FAM193B: variants seen among roughly 807,000 people sequenced by gnomAD.
The protein encoded by FAM193B is family with sequence similarity 193 member B, also known as protein FAM193B.
FAM193B carries 27 observed loss-of-function variants against 70.7 expected under a neutral mutation model. The ratio of observed to expected loss-of-function variants is 0.38; its 90% CI spans 0.28 to 0.53. The LOEUF (loss-of-function observed/expected upper bound fraction) is 0.53, where lower values mean the gene tolerates loss of function less well. Among genes scored for constraint, FAM193B ranks in the 20% least tolerant of loss-of-function variants. The probability of loss-of-function intolerance (pLI) is 0.81; values close to 1 mark genes in which losing one functional copy is unlikely to be tolerated. For missense variants in FAM193B, 1,022 were observed against 1,072.5 expected (o/e 0.95, Z 0.66); for synonymous variants, 448 against 436.0 (o/e 1.03, Z -0.34).
intron 1 of FAM193B, among the ~76,000 whole-genome samples, chr5:177,550,154 T>TA (rs111562933): frequency 2.7e-4 from 41 of 149,320 alleles, no homozygotes; most frequent in East Asian, 1.2e-3. Context: ...ATCTCTAAAT[T>TA]AAAAAAAAAA....
intron 1 of FAM193B, among the ~76,000 whole-genome samples, chr5:177,543,716 G>A (rs1178421009): frequency 2.0e-5 from 3 of 152,222 alleles, no homozygotes; most frequent in Non-Finnish European, 4.4e-5. Flanking sequence ...GCAGAGAACA[G>A]CTCTTGGTTC....
In FAM193B at chr5:177,554,413, C is replaced by G; in HGVS notation, c.46G>C (p.Glu16Gln). ...TGCGGCCCCGCGGCCCGAGCCCGCTCGCGCCTGCCCGCACCGCCGCTCGGC... is the reference window on the plus strand; with the variant it reads ...TGCGGCCCCGCGGCCCGAGCCCGCTGGCGCCTGCCCGCACCGCCGCTCGGC... ...SRPSGGAGRR[E>Q]RARAAGPQKP... Residue 16 changes from glutamate to glutamine, a missense_variant, in exon 1 of 9, where the codon GAG becomes CAG. Coordinates refer to ENST00000514747, the MANE Select transcript of FAM193B (RefSeq NM_001190946.3). 5.4e-6 allele frequency: 6 copies of G among 1,114,682 alleles called. No homozygotes were observed. The highest frequency in any genetic ancestry group is 6.6e-6 in the Non-Finnish European group (6 of 914,076). 69.0% of individuals were successfully genotyped at this position (1,114,682 alleles called of 1,614,324 possible). A position where few individuals can be genotyped will look rare whatever the true frequency, so the allele number is the denominator to read the frequency against.
At chr5:177,523,825 G>T in intron 7 of FAM193B, 132 bp downstream of exon 7, 1 of 926,480 alleles carries the variant, frequency 1.1e-6, no homozygotes, top group South Asian at 1.5e-5. Context: ...GGCCTGGGGG[G>T]GCGGTGAGCC....
At chr5:177,522,228 T>C in intron 7 of FAM193B, 157 bp from the exon 8 acceptor site, 1 of 607,904 alleles carries the variant, frequency 1.6e-6, no homozygotes, top group Admixed American at 2.7e-5. Flanking sequence ...ATAGGAGCTT[T>C]GCTGGCTTGG....
At chr5:177,541,401 T>C (rs970272829) in intron 1 of FAM193B, among the ~76,000 whole-genome samples, 1 of 152,288 alleles carries the variant, frequency 6.6e-6, no homozygotes, top group African/African-American at 2.4e-5. Flanking sequence ...AAATCTTGTA[T>C]AGTTATTCTC....
intron 5 of FAM193B, chr5:177,531,556 TG>T: frequency 8.0e-7 from 1 of 1,245,356 alleles, no homozygotes; most frequent in Non-Finnish European, 1.0e-6. Flanking sequence ...CATTACACCC[TG>T]GGCCTGGGGG....
chr5:177,550,782 G>A (rs973196977), intron 1 of FAM193B, among the ~76,000 whole-genome samples: 1 of 152,192 alleles, frequency 6.6e-6, no homozygotes, highest in Non-Finnish European at 1.5e-5. Context: ...CTTAGGTGAG[G>A]CGCTTCTATG....
At position 177,532,739 on chromosome 5, in the gene FAM193B, G is replaced by T; in HGVS notation, c.1077-98C>A. ...CTGCCATCCTGACCGCCCTTCACTT[G>T]CCCCACTCCACAGAGGTCCCAGGTG... On this transcript the variant is annotated intron_variant, in intron 4 of 8. Transcript: ENST00000514747. This position sits in a 1 kb window ranked among gnomAD's most constrained non-coding sequence, Gnocchi z 4.9. 1.7e-6 allele frequency: 2 copies of T among 1,193,304 alleles called. No homozygotes were observed. Among genetic ancestry groups the T allele is most frequent in the Non-Finnish European group, 2.2e-6 (2 of 891,388 alleles). 73.9% of individuals were successfully genotyped at this position (1,193,304 alleles called of 1,614,324 possible).
rs760949586 is a variant in FAM193B, at chr5:177,524,305, G to A, written c.2176C>T (p.Arg726Trp). The change falls in exon 6 of 9, where the codon CGG becomes TGG. Residue 726 changes from arginine to tryptophan, a missense_variant. Transcript: ENST00000514747. ...WRNWPGEAKA[R>W]PQEQESVQPS... Reference sequence around the variant, plus strand: ...TGCACAGACTCCTGCTCCTGAGGCCGTGCCTTGGCCTCGCCTGGCCAGTTT... The same window carrying A: ...TGCACAGACTCCTGCTCCTGAGGCCATGCCTTGGCCTCGCCTGGCCAGTTT... 8.8e-6 allele frequency: 14 copies of A among 1,585,100 alleles called. No individual in the cohort carries two copies. The highest frequency in any genetic ancestry group is 4.0e-5 in the African/African-American group (3 of 74,322).
At chr5:177,551,007 T>C in intron 1 of FAM193B, among the ~76,000 whole-genome samples, 1 of 151,712 alleles carries the variant, frequency 6.6e-6, no homozygotes, top group Non-Finnish European at 1.5e-5. Flanking sequence ...TTTGATTTTT[T>C]TTTTTTTATA....
chr5:177,524,056 C>G (rs1762185835), intron 6 of FAM193B, 24 bp from the exon 7 acceptor site: 1 of 1,613,900 alleles, frequency 6.2e-7, no homozygotes, highest in African/African-American at 1.3e-5. Context: ...GCCAGGAGGG[C>G]TCAGTGCCCA....
chr5:177,547,646 A>G (rs1765627343), intron 1 of FAM193B, among the ~76,000 whole-genome samples: 1 of 152,136 alleles, frequency 6.6e-6, no homozygotes, highest in African/African-American at 2.4e-5. Flanking sequence ...GGCCTCTTTG[A>G]ACCCCCAGCT....
intron 4 of FAM193B, 148 bp downstream of exon 4, chr5:177,536,210 G>T: frequency 1.1e-6 from 1 of 932,434 alleles, no homozygotes; most frequent in Non-Finnish European, 1.6e-6. Context: ...ACTGTGCCAG[G>T]CCAAAACACA....
At chr5:177,528,836 C>A (rs1446683370) in intron 5 of FAM193B, among the ~76,000 whole-genome samples, 1 of 152,148 alleles carries the variant, frequency 6.6e-6, no homozygotes, top group Non-Finnish European at 1.5e-5. Flanking sequence ...CAATCGGGAG[C>A]CCACGTGGCT....
At chr5:177,535,013 A>G (rs576589192) in intron 4 of FAM193B, among the ~76,000 whole-genome samples, 15 of 152,252 alleles carry the variant, frequency 9.9e-5, no homozygotes, top group South Asian at 2.1e-4. Context: ...CCCTTTGGAT[A>G]GCAGTTTTTC....
rs369105261 is a variant in FAM193B, at chr5:177,536,731, C to T, written c.703G>A (p.Val235Ile). Residue 235 changes from valine to isoleucine, a missense_variant, in exon 4 of 9, where the codon GTC (valine) becomes ATC (isoleucine). Physicochemically the swap from Val to Ile is conservative, Grantham distance 29 (BLOSUM62 3). Coordinates refer to ENST00000514747, the MANE Select transcript of FAM193B (RefSeq NM_001190946.3). ...TCTGAGTGCTGGTGGTGCTCCGAGACGGGGAAAGCCTCACCTGTGGGCAGA... is the reference window on the plus strand; with the variant it reads ...TCTGAGTGCTGGTGGTGCTCCGAGATGGGGAAAGCCTCACCTGTGGGCAGA... ...PPTIPGEAFPVSEHHQHSDLT... is the reference protein window; with the variant it reads ...PPTIPGEAFPISEHHQHSDLT... The T allele has an allele frequency of 1.2e-5, 19 of 1,555,524 alleles. No individual in the cohort carries two copies. Among genetic ancestry groups the T allele is most frequent in the Admixed American group, 2.0e-5 (1 of 51,186 alleles).
intron 1 of FAM193B, chr5:177,553,908 C>T: frequency 8.2e-7 from 1 of 1,216,226 alleles, no homozygotes; most frequent in Non-Finnish European, 1.0e-6. Context: ...CAGGTGGGCC[C>T]GGGGGAGGTG....
At chr5:177,542,016 TTGAA>T (rs1347931956) in intron 1 of FAM193B, among the ~76,000 whole-genome samples, 1 of 152,244 alleles carries the variant, frequency 6.6e-6, no homozygotes, top group Non-Finnish European at 1.5e-5. Flanking sequence ...TTTTCTTTCC[TTGAA>T]TATTTTCTAT....
intron 1 of FAM193B, among the ~76,000 whole-genome samples, chr5:177,543,002 A>T (rs1393251205): frequency 6.6e-6 from 1 of 152,154 alleles, no homozygotes; most frequent in Non-Finnish European, 1.5e-5. Context: ...CACTGCTTGA[A>T]ATTACTGCTG....
Sources: gnomAD v4.1 joint callset for allele counts (sites outside exome capture counted in the v4.1 genomes callset) on GRCh38, gnomAD v4.1.1 for gene constraint, Gnocchi (gnomAD v3.1) non-coding constraint, MANE v1.5 for transcripts, NCBI Gene and HGNC (gene_info 2026-07-23, HGNC 2026-07-21) for gene names.